The following NIN variants were observed in gnomAD, a reference collection of about 807,000 sequenced individuals.
The protein encoded by NIN is ninein.
In NIN, 137 loss-of-function variants were observed where a neutral mutation model predicts 257.6. The ratio of observed to expected loss-of-function variants is 0.53; its 90% CI spans 0.46 to 0.61. NIN has a LOEUF of 0.61. NIN is among the 20% of genes least tolerant of loss of function. The probability of loss-of-function intolerance (pLI) is 0.00; values close to 1 mark genes in which losing one functional copy is unlikely to be tolerated. For missense variants in NIN, 2,439 were observed against 2,501.2 expected, an observed-to-expected ratio of 0.98 and a Z score of 0.53; for synonymous variants, 918 against 919.8, an observed-to-expected ratio of 1.00 and a Z score of 0.04.
At chr14:50,824,694 G>A (rs2045383168) in intron 2 of NIN, among the ~76,000 whole-genome samples, 2 of 152,188 alleles carry the variant, frequency 1.3e-5, no homozygotes, top group African/African-American at 2.4e-5. Context: ...TCAAGCCAGG[G>A]ATTTGGTAAA....
chr14:50,813,704 G>A (rs961926652), intron 3 of NIN, among the ~76,000 whole-genome samples: 13 of 152,230 alleles, frequency 8.5e-5, no homozygotes, highest in Non-Finnish European at 1.5e-4. Context: ...CAATCATGGA[G>A]ATCAAATGCA....
intron 28 of NIN, among the ~76,000 whole-genome samples, chr14:50,734,799 C>A (rs1270315921): frequency 2.0e-5 from 3 of 151,958 alleles, no homozygotes; most frequent in Non-Finnish European, 4.4e-5. Flanking sequence ...GTCTCAGCCT[C>A]TCAAGTAGCT....
chr14:50,830,149 G>C (rs907389019), intron 2 of NIN, among the ~76,000 whole-genome samples: 1 of 152,284 alleles, frequency 6.6e-6, no homozygotes, highest in Admixed American at 6.5e-5. Context: ...AAGGCTGTAC[G>C]GGCGGCACAT....
At chr14:50,741,495 T>C (rs1314372637) in intron 25 of NIN, 87 bp downstream of exon 25, 13 of 1,008,206 alleles carry the variant, frequency 1.3e-5, no homozygotes, top group Non-Finnish European at 1.7e-5. Context: ...TGTACATACA[T>C]ATACACATAA....
At chr14:50,820,710 G>A (rs993184917) in intron 3 of NIN, among the ~76,000 whole-genome samples, 6 of 152,022 alleles carry the variant, frequency 3.9e-5, no homozygotes, top group Admixed American at 6.5e-5. Context: ...CCCTCCCCCC[G>A]CCACAAGAGG....
chr14:50,823,159 T>G (rs201641401), intron 2 of NIN: 6,600 of 533,128 alleles, frequency 0.012, 86 homozygotes, highest in Middle Eastern at 0.038. Context: ...ATCTGTGGTT[T>G]TTTTTTTTTC....
At chr14:50,774,069 A>T (rs1219209228) in intron 7 of NIN, among the ~76,000 whole-genome samples, 1 of 152,240 alleles carries the variant, frequency 6.6e-6, no homozygotes, top group Admixed American at 6.5e-5. Context: ...GAAGACTCTA[A>T]TATGGTAAGT....
At chr14:50,754,969 T>G in intron 18 of NIN, 102 bp from the exon 19 acceptor site, 1 of 734,192 alleles carries the variant, frequency 1.4e-6, no homozygotes, top group Non-Finnish European at 2.2e-6. Context: ...TCAATGCCAG[T>G]TAAAAAGAAA....
At chr14:50,761,746 G>T (rs758547368) in intron 16 of NIN, 44 bp downstream of exon 16, 1 of 1,612,292 alleles carries the variant, frequency 6.2e-7, no homozygotes, top group African/African-American at 1.3e-5. Context: ...AAGCCTGTCA[G>T]AGCCAAAAGA....
At chr14:50,744,082 T>G (rs2041420783) in intron 23 of NIN, among the ~76,000 whole-genome samples, 161 bp downstream of exon 23, 2 of 151,808 alleles carry the variant, frequency 1.3e-5, no homozygotes, top group South Asian at 4.2e-4. Context: ...CAGTCTTGGC[T>G]GCAGGAAGTC....
chr14:50,806,886 G>T, intron 3 of NIN, 68 bp from the exon 4 acceptor site: 1 of 715,846 alleles, frequency 1.4e-6, no homozygotes, highest in Non-Finnish European at 2.3e-6. Flanking sequence ...TATCTACAAG[G>T]TACCAAAACT....
intron 5 of NIN, chr14:50,792,473 G>T (rs1204161620): frequency 2.0e-6 from 1 of 507,270 alleles, no homozygotes; most frequent in Admixed American, 3.3e-5. Flanking sequence ...AACTCTAAAT[G>T]TGTACATGAC....
chr14:50,771,758 T>G (rs1286734820), intron 9 of NIN, among the ~76,000 whole-genome samples: 3 of 151,552 alleles, frequency 2.0e-5, no homozygotes, highest in Non-Finnish European at 4.4e-5. Flanking sequence ...GGCCGAGGCA[T>G]GCGGATCATT....
intron 7 of NIN, among the ~76,000 whole-genome samples, chr14:50,775,598 T>C (rs973975678): frequency 6.6e-6 from 1 of 152,202 alleles, no homozygotes; most frequent in Non-Finnish European, 1.5e-5. Context: ...GTAAAAGTTA[T>C]ATTCTATGAG....
chr14:50,737,495 CAAAA>C (rs58386910), intron 27 of NIN, among the ~76,000 whole-genome samples: 4,758 of 53,948 alleles, frequency 0.088, 86 homozygotes, highest in African/African-American at 0.26. Context: ...TGTTACATAG[CAAAA>C]AAAAAAAAAA....
intron 2 of NIN, chr14:50,823,105 A>G (rs573832594): frequency 6.1e-6 from 3 of 489,688 alleles, no homozygotes; most frequent in South Asian, 4.9e-5. Context: ...TTTGTTAAAA[A>G]TATACATCAT....
intron 7 of NIN, among the ~76,000 whole-genome samples, chr14:50,775,319 T>C (rs1236156437): frequency 2.0e-5 from 3 of 152,174 alleles, no homozygotes; most frequent in African/African-American, 4.8e-5. Context: ...TGCCCTGTCA[T>C]TGTTCTTGCT....
chr14:50,722,823 G>A lies in NIN; in HGVS notation c.*640C>T. Reference sequence around the variant, plus strand: ...TAAGCTTTTAACATTAGTTAAGAGTGCAATTGAGTAAATCAGTTCTAAATC... The same window carrying A: ...TAAGCTTTTAACATTAGTTAAGAGTACAATTGAGTAAATCAGTTCTAAATC... On this transcript the variant is annotated 3_prime_UTR_variant, in exon 31 of 31. Transcript: ENST00000530997. 1 of 210,512 alleles carries A rather than the reference G, an allele frequency of 4.8e-6. No homozygotes were observed. Among genetic ancestry groups the A allele is most frequent in the Non-Finnish European group, 9.7e-6 (1 of 103,464 alleles). 13.0% of individuals were successfully genotyped at this position (210,512 alleles called of 1,614,324 possible). A position where few individuals can be genotyped will look rare whatever the true frequency, so the allele number is the denominator to read the frequency against.
intron 7 of NIN, 30 bp downstream of exon 7, chr14:50,776,919 A>G (rs1566836244): frequency 6.3e-7 from 1 of 1,578,584 alleles, no homozygotes; most frequent in Non-Finnish European, 8.6e-7. Context: ...TACCATCATT[A>G]TCATTCCTGA....
Sources: gnomAD v4.1 joint callset for allele counts (sites outside exome capture counted in the v4.1 genomes callset) on GRCh38, gnomAD v4.1.1 for gene constraint, MANE v1.5 for transcripts, NCBI Gene and HGNC (gene_info 2026-07-23, HGNC 2026-07-21) for gene names.